EYS: variants seen among roughly 807,000 people sequenced by gnomAD.
EYS encodes EGF-like photoreceptor maintenance factor.
A neutral mutation model predicts 282.1 loss-of-function variants in EYS; 250 were observed. That is an observed-to-expected ratio of 0.89 (90% CI 0.80 to 0.98). The LOEUF is 0.98. Ranked by LOEUF, EYS falls within the 50% of genes least tolerant of loss-of-function variation. The pLI is 0.00. For synonymous variants in EYS, 1,355 were observed against 1,282.9 expected, an observed-to-expected ratio of 1.06 and a Z score of -1.20; for missense variants, 4,016 against 3,709.0, an observed-to-expected ratio of 1.08 and a Z score of -2.15.
chr6:64,662,298 G>C (rs966821351), intron 22 of EYS, among the ~76,000 whole-genome samples: 1 of 151,748 alleles, frequency 6.6e-6, no homozygotes, highest in Admixed American at 6.6e-5. Context: ...ACGAGTTACT[G>C]GGTGCAGCAT....
At chr6:64,242,685 T>C (rs1254169960) in intron 30 of EYS, among the ~76,000 whole-genome samples, 2 of 151,810 alleles carry the variant, frequency 1.3e-5, no homozygotes, top group African/African-American at 2.4e-5. Context: ...CTATATCCCA[T>C]GTGTGTTCTA....
At position 64,567,006 on chromosome 6, in the gene EYS, C is replaced by T. The variant is rs1430525669; in HGVS notation, c.5644+23217G>A. 2.4e-4 allele frequency among the ~76,000 whole-genome samples: 36 copies of T among 152,086 alleles called. 1 individual carries two copies. ...GCCAGGCTGGTCTTGAACTCCTGACCTCAGGTGATCCACCTGCCTCAGCAT... is the reference window on the plus strand; with the variant it reads ...GCCAGGCTGGTCTTGAACTCCTGACTTCAGGTGATCCACCTGCCTCAGCAT... On this transcript the variant is annotated intron_variant, in intron 26 of 42. Transcript: ENST00000503581.
intron 29 of EYS, among the ~76,000 whole-genome samples, chr6:64,319,289 T>A (rs1442525421): frequency 3.3e-5 from 5 of 152,052 alleles, no homozygotes; most frequent in Non-Finnish European, 7.4e-5. Flanking sequence ...TATTTGTTTT[T>A]GAAATCTATC....
rs1766425722 is a variant in EYS at position 64,591,937 on chromosome 6, C to T, written c.3930G>A (p.Leu1310=). The T allele has an allele frequency of 6.5e-7, 1 of 1,532,238 alleles. No individual in the cohort carries two copies. Among genetic ancestry groups the T allele is most frequent in the South Asian group, 1.2e-5 (1 of 81,516 alleles). 94.9% of individuals were successfully genotyped at this position (1,532,238 alleles called of 1,614,324 possible). Residue 1310 remains leucine, a synonymous_variant, in exon 26 of 43, where the codon TTG becomes TTA. Transcript: ENST00000503581. ...AGGGTGTGCTAATTCTTAATGTTGC[C>T]AAACCAGTGGTTGGGAGAATGTCGT... The part of the protein sequence containing the change: ...VKHDILPTTG[L]ATLRISTPLE...
intron 20 of EYS, 133 bp downstream of exon 20, chr6:64,822,518 T>A (rs1053434343): frequency 2.2e-5 from 16 of 731,390 alleles, no homozygotes; most frequent in Middle Eastern, 7.3e-4. Flanking sequence ...TCTGTCATCT[T>A]AAATGTACTT....
chr6:65,617,005 T>C (rs1378028705), intron 2 of EYS, among the ~76,000 whole-genome samples: 1 of 152,166 alleles, frequency 6.6e-6, no homozygotes, highest in Non-Finnish European at 1.5e-5. Flanking sequence ...AAATTAAACA[T>C]CATATGCAGT....
chr6:65,531,749 C>T (rs547814004), intron 2 of EYS, among the ~76,000 whole-genome samples: 2 of 152,070 alleles, frequency 1.3e-5, no homozygotes, highest in African/African-American at 2.4e-5. Context: ...CAACAGGTGC[C>T]CACAGATGCT....
At chr6:63,935,041 C>T (rs753739992) in intron 35 of EYS, among the ~76,000 whole-genome samples, 1 of 152,152 alleles carries the variant, frequency 6.6e-6, no homozygotes, top group Admixed American at 6.6e-5. Flanking sequence ...TAATAAAATC[C>T]AAACTCCTAG....
intron 29 of EYS, among the ~76,000 whole-genome samples, chr6:64,311,036 G>A (rs1397636058): frequency 3.3e-5 from 5 of 151,764 alleles, no homozygotes; most frequent in Non-Finnish European, 7.4e-5. Context: ...TTTATTTAAT[G>A]TATTTAGTTT....
chr6:65,441,426 G>T (rs1275288905), intron 5 of EYS, among the ~76,000 whole-genome samples: 2 of 151,884 alleles, frequency 1.3e-5, no homozygotes, highest in Admixed American at 6.6e-5. Flanking sequence ...ATTTGAAAAT[G>T]CATTATGAAA....
chr6:65,081,806 C>T (rs1774237048), intron 12 of EYS, among the ~76,000 whole-genome samples: 1 of 152,012 alleles, frequency 6.6e-6, no homozygotes, highest in Non-Finnish European at 1.5e-5. Flanking sequence ...CTTCTTGTAA[C>T]AAGAACTGCT....
intron 40 of EYS, among the ~76,000 whole-genome samples, chr6:63,765,783 A>C (rs945054391): frequency 2.1e-4 from 32 of 151,178 alleles, no homozygotes; most frequent in African/African-American, 7.6e-4. Context: ...AACCATCCCC[A>C]CCTCCCTGTT....
At chr6:64,556,492 G>A (rs2149808927) in intron 26 of EYS, among the ~76,000 whole-genome samples, 1 of 151,956 alleles carries the variant, frequency 6.6e-6, no homozygotes, top group Non-Finnish European at 1.5e-5. Flanking sequence ...GGGGGTTATT[G>A]ACTACACAAA....
At chr6:65,110,783 A>G (rs185741548) in intron 12 of EYS, among the ~76,000 whole-genome samples, 2 of 152,318 alleles carry the variant, frequency 1.3e-5, no homozygotes, top group African/African-American at 4.8e-5. Flanking sequence ...CTAAACTGAT[A>G]AAACTTGTCC....
At chr6:65,329,436 A>T (rs1262578118) in intron 11 of EYS, 2 of 940,264 alleles carry the variant, frequency 2.1e-6, no homozygotes, top group Admixed American at 6.2e-5. Context: ...TCTAGAGCAT[A>T]ATAAAGAGAG....
intron 34 of EYS, among the ~76,000 whole-genome samples, chr6:63,987,104 G>A (rs1767402722): frequency 6.6e-6 from 1 of 151,592 alleles, no homozygotes. Context: ...CGGCAAATAA[G>A]ATGAATATTT....
chr6:64,281,392 T>G (rs1467493729), intron 30 of EYS, among the ~76,000 whole-genome samples: 1 of 152,080 alleles, frequency 6.6e-6, no homozygotes, highest in East Asian at 1.9e-4. Context: ...TTTAAAAGCA[T>G]AGTAAAAGAA....
intron 14 of EYS, among the ~76,000 whole-genome samples, chr6:64,982,534 A>G (rs1263633336): frequency 6.6e-6 from 1 of 151,250 alleles, no homozygotes; most frequent in East Asian, 1.9e-4. Context: ...CCTTGTATTG[A>G]AAGGAGATCA....
chr6:65,325,652 G>A (rs1769599100), intron 11 of EYS, among the ~76,000 whole-genome samples: 1 of 152,014 alleles, frequency 6.6e-6, no homozygotes, highest in South Asian at 2.1e-4. Flanking sequence ...GGAGGAGAAG[G>A]GGTCTAAAAT....
Sources: allele counts gnomAD v4.1 joint callset (sites outside exome capture counted in the v4.1 genomes callset), GRCh38; gene constraint gnomAD v4.1.1; transcripts MANE v1.5; gene names NCBI Gene and HGNC (gene_info 2026-07-23, HGNC 2026-07-21).